Variants in DCC observed in about 807,000 individuals in gnomAD.
DCC encodes DCC netrin 1 receptor, also known as netrin receptor DCC.
Under a neutral mutation model 172.5 loss-of-function variants are expected in DCC, and 58 were observed. The ratio of observed to expected loss-of-function variants is 0.34; its 90% CI spans 0.27 to 0.42. DCC has a LOEUF of 0.42. Ranked by LOEUF, DCC falls within the 10% of genes least tolerant of loss-of-function variation. The probability of loss-of-function intolerance (pLI) is 1.00; values close to 1 mark genes in which losing one functional copy is unlikely to be tolerated. For missense variants in DCC, 1,740 were observed against 1,791.0 expected (o/e 0.97, Z 0.51); for synonymous variants, 709 against 644.5 (o/e 1.10, Z -1.52).
chr18:52,382,808 A>G (rs529887546), intron 1 of DCC, among the ~76,000 whole-genome samples: 10 of 152,230 alleles, frequency 6.6e-5, no homozygotes, highest in Non-Finnish European at 1.3e-4. Context: ...CCATTGTTAC[A>G]TAACTCGTAC....
chr18:52,357,251 A>G (rs952108395), intron 1 of DCC, among the ~76,000 whole-genome samples: 1 of 152,190 alleles, frequency 6.6e-6, no homozygotes, highest in African/African-American at 2.4e-5. Context: ...CTCCTCAGGG[A>G]AATAGTTGAT....
intron 1 of DCC, among the ~76,000 whole-genome samples, chr18:52,519,627 C>G (rs963365580): frequency 6.6e-6 from 1 of 152,086 alleles, no homozygotes; most frequent in Non-Finnish European, 1.5e-5. Flanking sequence ...TTATGTTTGC[C>G]TCTTTGTGTT....
At chr18:52,922,537 T>C (rs552194735) in intron 3 of DCC, among the ~76,000 whole-genome samples, 114 of 152,280 alleles carry the variant, frequency 7.5e-4, no homozygotes, top group African/African-American at 2.7e-3. Context: ...TGCATCCAGA[T>C]TTTGCTTTGA....
At chr18:52,923,912 CTATTTA>C (rs2040162127) in intron 4 of DCC, 55 bp downstream of exon 4, 1 of 1,281,854 alleles carries the variant, frequency 7.8e-7, no homozygotes, top group African/African-American at 1.5e-5. Flanking sequence ...GTATATGCTG[CTATTTA>C]TATTTCTCTA....
chr18:53,393,062 T>C (rs1310679004), intron 17 of DCC, among the ~76,000 whole-genome samples: 1 of 152,176 alleles, frequency 6.6e-6, no homozygotes, highest in Non-Finnish European at 1.5e-5. Context: ...GGTCTCCTTA[T>C]ACTTTAGCCA....
At chr18:52,906,442 C>T (rs138380982) in intron 3 of DCC, 114 bp downstream of exon 3, 5 of 1,095,234 alleles carry the variant, frequency 4.6e-6, no homozygotes, top group South Asian at 2.7e-5. Flanking sequence ...TTGTTCATTG[C>T]GTTTTGTTTA....
chr18:52,562,471 C>T (rs2033061465), intron 1 of DCC, among the ~76,000 whole-genome samples: 1 of 152,096 alleles, frequency 6.6e-6, no homozygotes, highest in Non-Finnish European at 1.5e-5. Flanking sequence ...TATTTAGCCA[C>T]ATAGAGTTTG....
At chr18:52,743,212 G>A (rs956072412) in intron 1 of DCC, among the ~76,000 whole-genome samples, 23 of 152,116 alleles carry the variant, frequency 1.5e-4, no homozygotes, top group African/African-American at 5.3e-4. Flanking sequence ...ATACTCACAA[G>A]AGCACTTCTT....
intron 5 of DCC, among the ~76,000 whole-genome samples, chr18:52,992,608 G>A (rs1431697335): frequency 6.6e-6 from 1 of 151,888 alleles, no homozygotes; most frequent in Admixed American, 6.6e-5. Flanking sequence ...TAGATAAAGA[G>A]TTGCTATTTA....
At chr18:52,492,946 G>A (rs573639250) in intron 1 of DCC, among the ~76,000 whole-genome samples, 14 of 152,162 alleles carry the variant, frequency 9.2e-5, no homozygotes, top group African/African-American at 3.4e-4. Context: ...AATGTGAAGG[G>A]GCATGTTGAG....
intron 22 of DCC, among the ~76,000 whole-genome samples, chr18:53,440,161 T>A (rs1321486675): frequency 6.6e-6 from 1 of 152,240 alleles, no homozygotes; most frequent in Non-Finnish European, 1.5e-5. Flanking sequence ...TTGTAGTTTA[T>A]ATTTGTATAA....
intron 1 of DCC, among the ~76,000 whole-genome samples, chr18:52,427,835 T>TCTTCCTTTCTTTCTTCCTTC (rs1987487179): frequency 2.2e-5 from 1 of 46,020 alleles, no homozygotes; most frequent in African/African-American, 6.1e-5. Context: ...TTCCTTCCTT[T>TCTTCCTTTCTTTCTTCCTTC]CTTCCTTCCT....
At chr18:53,139,490 T>C (rs1252570993) in intron 7 of DCC, among the ~76,000 whole-genome samples, 1 of 152,168 alleles carries the variant, frequency 6.6e-6, no homozygotes, top group Non-Finnish European at 1.5e-5. Flanking sequence ...TAGTTGTTTG[T>C]TTGGTTGGAT....
intron 7 of DCC, among the ~76,000 whole-genome samples, chr18:53,127,527 G>A (rs61602653): frequency 7.4e-4 from 112 of 152,112 alleles, no homozygotes; most frequent in African/African-American, 2.6e-3. Flanking sequence ...TGGGAGGGTG[G>A]CTCTGATTCC....
chr18:52,695,701 T>C (rs1568047073), intron 1 of DCC, among the ~76,000 whole-genome samples: 1 of 152,130 alleles, frequency 6.6e-6, no homozygotes, highest in African/African-American at 2.4e-5. Flanking sequence ...CTGGGGAGTA[T>C]TTTGAACGTG....
chr18:53,525,981 G>T (rs2046449928), intron 27 of DCC, among the ~76,000 whole-genome samples: 1 of 151,996 alleles, frequency 6.6e-6, no homozygotes, highest in Non-Finnish European at 1.5e-5. Context: ...TTATGTATAG[G>T]AAACAGAAAT....
At chr18:52,642,080 A>G (rs1282718308) in intron 1 of DCC, among the ~76,000 whole-genome samples, 1 of 32,880 alleles carries the variant, frequency 3.0e-5, no homozygotes, top group African/African-American at 7.6e-5. Context: ...ATATATATAT[A>G]CACACACACA....
intron 21 of DCC, among the ~76,000 whole-genome samples, chr18:53,420,643 C>A (rs759654343): frequency 2.0e-5 from 3 of 152,090 alleles, no homozygotes; most frequent in Non-Finnish European, 2.9e-5. Flanking sequence ...TCTGGTGTCT[C>A]CTCTTCAGAG....
intron 2 of DCC, 91 bp downstream of exon 2, chr18:52,752,465 A>G: frequency 1.0e-6 from 1 of 980,986 alleles, no homozygotes; most frequent in African/African-American, 1.6e-5. Context: ...TGTAGAAATA[A>G]TGTACATTTT....
Sources: gnomAD v4.1 joint callset for allele counts (sites outside exome capture counted in the v4.1 genomes callset) on GRCh38, gnomAD v4.1.1 for gene constraint, MANE v1.5 for transcripts, NCBI Gene and HGNC (gene_info 2026-07-23, HGNC 2026-07-21) for gene names.